ZNF208: variants seen among roughly 807,000 people sequenced by gnomAD.
ZNF208 encodes the protein zinc finger protein 208.
ZNF208 carries 10 observed loss-of-function variants against 12.1 expected under a neutral mutation model. The observed-to-expected ratio is 0.83, with a 90% confidence interval of 0.51 to 1.40. The LOEUF is 1.40. Among genes scored for constraint, ZNF208 ranks in the 40% most tolerant of loss-of-function variants. ZNF208 has a pLI of 0.00. For synonymous variants in ZNF208, 497 were observed against 488.4 expected (o/e 1.02, Z -0.23); for missense variants, 1,652 against 1,485.0 (o/e 1.11, Z -1.85).
chr19:21,981,394 G>T (rs185875448), intron 3 of ZNF208, among the ~76,000 whole-genome samples: 1 of 151,666 alleles, frequency 6.6e-6, no homozygotes, highest in Non-Finnish European at 1.5e-5. Flanking sequence ...GGGATGCAAG[G>T]CTGGTTCAAC....
intron 3 of ZNF208, among the ~76,000 whole-genome samples, chr19:21,981,137 A>G (rs1206928964): frequency 6.6e-6 from 1 of 152,138 alleles, no homozygotes; most frequent in African/African-American, 2.4e-5. Flanking sequence ...GGTACAAAGA[A>G]GAGCTGATTC....
At position 21,950,346 on chromosome 19, in the gene ZNF208, C is replaced by T. The variant is rs185703935; in HGVS notation, c.306-17109G>A. The stretch of plus-strand genomic sequence containing the variant: ...GGGACTCCTCAAGAAAACAAAAAAG[C>T]CACCATAAATTGCATTTTAAAAGAT... On this transcript the variant is annotated intron_variant, in intron 4 of 4. Coordinates refer to the ZNF208 transcript ENST00000599916. Among the ~76,000 whole-genome samples, 244 of 152,168 alleles carry T rather than the reference C, an allele frequency of 1.6e-3. 3 individuals are homozygous for T. Among genetic ancestry groups the T allele is most frequent in the African/African-American group, 5.6e-3 (233 of 41,532 alleles).
intron 4 of ZNF208, among the ~76,000 whole-genome samples, chr19:21,949,187 G>A (rs1311628467): frequency 6.6e-6 from 1 of 152,190 alleles, no homozygotes; most frequent in Admixed American, 6.5e-5. Context: ...AACAGGCCCT[G>A]TTCAAACATA....
At chr19:22,001,091 C>T (rs974551490) in intron 1 of ZNF208, among the ~76,000 whole-genome samples, 2 of 152,106 alleles carry the variant, frequency 1.3e-5, no homozygotes, top group African/African-American at 4.8e-5. Flanking sequence ...GAGTTCGAGA[C>T]CAGCCTCAAC....
chr19:21,983,081 A>G (rs966918874), intron 3 of ZNF208, among the ~76,000 whole-genome samples: 1 of 152,214 alleles, frequency 6.6e-6, no homozygotes, highest in African/African-American at 2.4e-5. Flanking sequence ...CAGGCAACCT[A>G]CAGAATGGGA....
At chr19:21,945,043 A>G (rs1198062588) in intron 4 of ZNF208, among the ~76,000 whole-genome samples, 3 of 152,244 alleles carry the variant, frequency 2.0e-5, no homozygotes, top group East Asian at 3.8e-4. Context: ...TCATTATAAT[A>G]GTAAAAAGCA....
At position 21,968,465 on chromosome 19, in the gene ZNF208, A is replaced by G. The variant is rs1401280009; in HGVS notation, c.*2726T>C. 2 of 150,778 alleles carry G rather than the reference A, an allele frequency of 1.3e-5. No homozygotes were observed. The highest frequency in any genetic ancestry group is 3.0e-5 in the Non-Finnish European group (2 of 67,688). The allele number at this position is 150,778 out of a possible 1,614,324, so 9.3% of individuals were successfully genotyped here. A position where few individuals can be genotyped will look rare whatever the true frequency, so the allele number is the denominator to read the frequency against. ...CCCTACTGTTATTTTTTTTTCTTTT[A>G]ATTATCTTTACATGGTGAATCACAC... On this transcript the variant is annotated 3_prime_UTR_variant, in exon 4 of 4. Coordinates refer to ENST00000397126, the MANE Select transcript of ZNF208 (RefSeq NM_007153.3).
chr19:21,961,957 T>C (rs574753330), downstream of ZNF208, among the ~76,000 whole-genome samples: 18 of 152,232 alleles, frequency 1.2e-4, no homozygotes, highest in African/African-American at 4.1e-4. Context: ...TGAGGTGACA[T>C]ACATCCTTAG....
chr19:21,952,921 A>G (rs1266208962), intron 4 of ZNF208, among the ~76,000 whole-genome samples: 1 of 152,222 alleles, frequency 6.6e-6, no homozygotes, highest in Non-Finnish European at 1.5e-5. Flanking sequence ...AAGACCTTGA[A>G]AAAAGGTTAG....
At position 21,970,813 on chromosome 19, in the gene ZNF208, A is replaced by C; in HGVS notation, c.*378T>G. On this transcript the variant is annotated 3_prime_UTR_variant, in exon 4 of 4. Coordinates refer to ENST00000397126, the MANE Select transcript of ZNF208 (RefSeq NM_007153.3). ...GCATGAATTTTCTTATGTTTACTAA[A>C]GACTGAGAACCAGCTGAAGGCTTTG... 6.8e-7 allele frequency: 1 copy of C among 1,464,508 alleles called. No homozygotes were observed. Among genetic ancestry groups the C allele is most frequent in the Non-Finnish European group, 9.5e-7 (1 of 1,048,544 alleles). 90.7% of individuals were successfully genotyped at this position (1,464,508 alleles called of 1,614,324 possible).
At chr19:21,992,556 C>T (rs2145572342) in intron 1 of ZNF208, among the ~76,000 whole-genome samples, 1 of 152,286 alleles carries the variant, frequency 6.6e-6, no homozygotes, top group South Asian at 2.1e-4. Flanking sequence ...TAATAAAGAA[C>T]ACAGATGAAA....
chr19:21,992,976 G>C (rs1037727114), intron 1 of ZNF208, among the ~76,000 whole-genome samples: 1 of 151,960 alleles, frequency 6.6e-6, no homozygotes, highest in Non-Finnish European at 1.5e-5. Context: ...CCTTCTCTAG[G>C]ATTCTTTCTC....
intron 1 of ZNF208, among the ~76,000 whole-genome samples, chr19:21,990,900 T>C (rs1408949025): frequency 6.6e-6 from 1 of 152,202 alleles, no homozygotes; most frequent in African/African-American, 2.4e-5. Context: ...GATTTGGCTC[T>C]CTGTTTGTCT....
intron 3 of ZNF208, among the ~76,000 whole-genome samples, chr19:21,983,858 G>C (rs918247755): frequency 4.6e-5 from 7 of 152,058 alleles, no homozygotes; most frequent in Admixed American, 1.3e-4. Flanking sequence ...TCAAGGGGTG[G>C]GGGCTAGGGG....
At chr19:21,944,467 C>T (rs1293967647) in intron 4 of ZNF208, among the ~76,000 whole-genome samples, 2 of 152,070 alleles carry the variant, frequency 1.3e-5, no homozygotes, top group Non-Finnish European at 2.9e-5. Context: ...AAATATATTA[C>T]ATATGACAAA....
At chr19:21,956,653 TCTC>T (rs1186042894) in intron 4 of ZNF208, among the ~76,000 whole-genome samples, 2 of 152,120 alleles carry the variant, frequency 1.3e-5, no homozygotes, top group Non-Finnish European at 2.9e-5. Context: ...CTGGATATAA[TCTC>T]CTGGTGTGCC....
intron 1 of ZNF208, chr19:21,998,893 AG>A (rs1970888958): frequency 6.6e-6 from 1 of 152,202 alleles, no homozygotes; most frequent in Non-Finnish European, 1.5e-5. Flanking sequence ...AATATATTAG[AG>A]CTTGCAACAT....
chr19:22,009,296 A>G (rs546432769), intron 1 of ZNF208, among the ~76,000 whole-genome samples: 1 of 152,300 alleles, frequency 6.6e-6, no homozygotes, highest in African/African-American at 2.4e-5. Flanking sequence ...TGCAAGCCAG[A>G]GTCAGGCTGG....
At position 22,003,483 on chromosome 19, in the gene ZNF208, GA is replaced by G. The variant is rs981021419; in HGVS notation, c.3+7308del. Reference sequence around the variant, plus strand: ...ATAAGGAACTAAAACAAGTTTACAAGAAAAAAAAACTAAAAAGAAGACCAAA... The same window carrying G: ...ATAAGGAACTAAAACAAGTTTACAAGAAAAAAAACTAAAAAGAAGACCAAA... On this transcript the variant is annotated intron_variant, in intron 1 of 3. Transcript: ENST00000397126. Among the ~76,000 whole-genome samples the G allele has an allele frequency of 2.3e-5, 3 of 131,068 alleles. No individual in the cohort carries two copies. In the East Asian group the frequency reaches 6.9e-4, roughly 30 times the overall value. The allele number at this position is 131,068 out of a possible 152,430, so 86.0% of individuals were successfully genotyped here.
Sources: allele counts gnomAD v4.1 joint callset (sites outside exome capture counted in the v4.1 genomes callset), GRCh38; gene constraint gnomAD v4.1.1; transcripts MANE v1.5; gene names NCBI Gene and HGNC (gene_info 2026-07-23, HGNC 2026-07-21).